REV3L: variants seen among roughly 807,000 people sequenced by gnomAD.
The protein encoded by REV3L is REV3 like, DNA directed polymerase zeta catalytic subunit.
In REV3L, 69 loss-of-function variants were observed where a neutral mutation model predicts 299.4. That is an observed-to-expected ratio of 0.23 (90% CI 0.19 to 0.28). The LOEUF (loss-of-function observed/expected upper bound fraction) is 0.28, where lower values mean the gene tolerates loss of function less well. Among genes scored for constraint, REV3L ranks in the 10% least tolerant of loss-of-function variants. The probability of loss-of-function intolerance (pLI) is 1.00; values close to 1 mark genes in which losing one functional copy is unlikely to be tolerated. For missense variants in REV3L, 3,128 were observed against 3,693.8 expected (o/e 0.85, Z 3.97); for synonymous variants, 1,238 against 1,271.4 (o/e 0.97, Z 0.56).
chr6:111,476,268 G>A (rs942507924), intron 1 of REV3L, among the ~76,000 whole-genome samples: 7 of 152,248 alleles, frequency 4.6e-5, no homozygotes, highest in Non-Finnish European at 1.0e-4. Flanking sequence ...CGATCCTCCT[G>A]CCTCAGCCTC....
rs532657290 is a variant in REV3L, at chr6:111,300,067, A to C, written c.9342T>G (p.Asn3114Lys). 1.6e-5 allele frequency: 26 copies of C among 1,613,660 alleles called. No individual in the cohort carries two copies. The Admixed American group carries it at 4.3e-4, about 27-fold the overall frequency. ...CPVLFKLSRV[N>K]RELSKAPYLR... is the part of the protein sequence containing the mutation. ...GATATGGTGCCTTGGACAATTCTCT[A>C]TTTACTCGGGAGAGTTTGAAAAGTA... The change falls in exon 32 of 32, where the codon AAT becomes AAG. Residue 3114 changes from asparagine to lysine, a missense_variant. Asn to Lys is a moderately conservative substitution (Grantham distance 94). Coordinates refer to ENST00000368802, the MANE Select transcript of REV3L (RefSeq NM_001372078.1).
In REV3L at chr6:111,307,522, C is replaced by G. The variant is rs1772451208; in HGVS notation, c.9091G>C (p.Gly3031Arg). Reference sequence around the variant, plus strand: ...GTAGTAAAATATTGTGAAATAGTGCCTTTCCGCCCTTCAGGTTCACTTCGC... The same window carrying G: ...GTAGTAAAATATTGTGAAATAGTGCGTTTCCGCCCTTCAGGTTCACTTCGC... ...SSRSEPEGRK[G>R]TISQYFTTLH... Residue 3031 changes from glycine to arginine, a missense_variant, in exon 31 of 32, where the codon GGC (glycine) becomes CGC (arginine). By Grantham distance (125) the Gly-to-Arg change is moderately radical (BLOSUM62 -2). Transcript: ENST00000368802. 5 of 1,614,216 alleles carry G rather than the reference C, an allele frequency of 3.1e-6. No homozygotes were observed. The highest frequency in any genetic ancestry group is 3.4e-6 in the Non-Finnish European group (4 of 1,180,046).
At chr6:111,465,756 A>AAG (rs1554250448) in intron 1 of REV3L, among the ~76,000 whole-genome samples, 10 of 146,998 alleles carry the variant, frequency 6.8e-5, no homozygotes, top group African/African-American at 2.5e-4. Flanking sequence ...AAAAAAAAAA[A>AAG]AAAAAAAAAA....
chr6:111,349,456 AATGT>A, intron 19 of REV3L, 120 bp from the exon 20 acceptor site: 1 of 473,768 alleles, frequency 2.1e-6, no homozygotes, highest in East Asian at 3.2e-5. Flanking sequence ...TATAATTCAC[AATGT>A]ATGAAAAAAT....
intron 1 of REV3L, chr6:111,430,206 CA>C: frequency 1.2e-6 from 1 of 819,260 alleles, no homozygotes; most frequent in South Asian, 1.3e-5. Context: ...TTTAGCCAAA[CA>C]AGAAGAAGTA....
intron 3 of REV3L, among the ~76,000 whole-genome samples, chr6:111,410,163 C>A (rs757588958): frequency 2.6e-5 from 4 of 152,088 alleles, no homozygotes; most frequent in South Asian, 4.1e-4. Context: ...TATGACTGCA[C>A]CATTGCGTAC....
intron 1 of REV3L, chr6:111,431,257 A>G: frequency 2.0e-6 from 3 of 1,505,400 alleles, no homozygotes; most frequent in Non-Finnish European, 2.8e-6. Context: ...CCTACAAGAG[A>G]TTTAGATGTC....
At chr6:111,453,596 G>A (rs1205792902) in intron 1 of REV3L, among the ~76,000 whole-genome samples, 1 of 152,100 alleles carries the variant, frequency 6.6e-6, no homozygotes, top group East Asian at 1.9e-4. Context: ...ACTATATACT[G>A]CTTAGTAGCA....
chr6:111,381,301 A>G, intron 10 of REV3L, 24 bp downstream of exon 10: 1 of 1,610,172 alleles, frequency 6.2e-7, no homozygotes, highest in South Asian at 1.1e-5. Flanking sequence ...AATACTGAAT[A>G]TTTATGGTAG....
chr6:111,367,993 C>T lies in REV3L; in HGVS notation c.5795G>A (p.Arg1932Gln), dbSNP rs556839462. ...IGGRLLMVET[R>Q]LANDLAEFEG... ...AAACTCAGCCAGATCATTTGCAAGT[C>T]GAGTTTCTACCATGAGGAGCCGTCC... Residue 1932 changes from arginine (R) to glutamine (Q), a missense_variant, in exon 14 of 32, where the codon CGA (arginine) becomes CAA (glutamine). Around this residue, in one of 9 missense-constraint regions of REV3L, gnomAD observed 2,409 missense variants for 2,611.8 expected, o/e 0.92. Coordinates refer to ENST00000368802, the MANE Select transcript of REV3L (RefSeq NM_001372078.1). 6 of 1,611,236 alleles carry T rather than the reference C, an allele frequency of 3.7e-6. No homozygotes were observed. The highest frequency in any genetic ancestry group is 1.1e-5 in the South Asian group (1 of 90,478).
chr6:111,322,095 G>T (rs1415939947), intron 26 of REV3L, among the ~76,000 whole-genome samples: 1 of 152,108 alleles, frequency 6.6e-6, no homozygotes, highest in African/African-American at 2.4e-5. Flanking sequence ...ATGGAAAACT[G>T]TATTTGCCTA....
At chr6:111,370,302 CA>C (rs1779674654) in intron 13 of REV3L, among the ~76,000 whole-genome samples, 1 of 152,014 alleles carries the variant, frequency 6.6e-6, no homozygotes, top group Non-Finnish European at 1.5e-5. Flanking sequence ...CCAAAGTCCC[CA>C]AAATGATGGA....
chr6:111,400,013 A>G (rs1007736645), intron 4 of REV3L, among the ~76,000 whole-genome samples: 2 of 152,204 alleles, frequency 1.3e-5, no homozygotes, highest in Non-Finnish European at 2.9e-5. Flanking sequence ...ATGAAGTCAC[A>G]CAGTTTGTAT....
intron 1 of REV3L, among the ~76,000 whole-genome samples, chr6:111,442,752 CT>C: frequency 6.6e-6 from 1 of 152,272 alleles, no homozygotes; most frequent in Non-Finnish European, 1.5e-5. Flanking sequence ...TATCAGTTGT[CT>C]TATTAACTAC....
At chr6:111,468,986 C>T (rs1334708358) in intron 1 of REV3L, among the ~76,000 whole-genome samples, 1 of 151,826 alleles carries the variant, frequency 6.6e-6, no homozygotes, top group Non-Finnish European at 1.5e-5. Flanking sequence ...AATGGTGAAA[C>T]CCTGTCTCTA....
Position 111,373,809 on chromosome 6 carries a change from T to G in REV3L, c.4546A>C (p.Thr1516Pro). 5 of 1,614,194 alleles carry G rather than the reference T, an allele frequency of 3.1e-6. No individual in the cohort carries two copies. The highest frequency in any genetic ancestry group is 4.2e-6 in the Non-Finnish European group (5 of 1,180,002). Residue 1516 changes from threonine to proline, a missense_variant, in exon 13 of 32, where the codon ACA (threonine) becomes CCA (proline). Transcript: ENST00000368802. ...LSQCKNRNVS[T>P]PSAFGEGQSG... ...TGTCCTTCACCAAATGCTGAAGGTGTTGACACATTTCGATTTTTACACTGA... is the reference window on the plus strand; with the variant it reads ...TGTCCTTCACCAAATGCTGAAGGTGGTGACACATTTCGATTTTTACACTGA...
chr6:111,303,712 T>A (rs1255284100), intron 31 of REV3L, among the ~76,000 whole-genome samples: 2 of 49,368 alleles, frequency 4.1e-5, no homozygotes, highest in Non-Finnish European at 9.6e-5. Flanking sequence ...TTTTTTTTTT[T>A]TTTTTTTTTT....
intron 1 of REV3L, among the ~76,000 whole-genome samples, chr6:111,459,412 A>G (rs7752225): frequency 0.94 from 143,602 of 152,142 alleles, 67,807 homozygotes; most frequent in East Asian, 1. Flanking sequence ...CAATTGCAAC[A>G]AAACCAAAAA....
rs1253575033 is a variant in REV3L, at chr6:111,367,218, T to G, written c.6570A>C (p.Arg2190Ser). 6.2e-6 allele frequency: 10 copies of G among 1,613,978 alleles called. No homozygotes were observed. The highest frequency in any genetic ancestry group is 8.5e-6 in the Non-Finnish European group (10 of 1,180,002). ...LVISPINTRA[R>S]TGKCESLCFH... ...AGCAAAGTGATTCACATTTCCCAGT[T>G]CTTGCCCTAGTATTAATTGGAGATA... The change falls in exon 14 of 32, where the codon AGA (arginine) becomes AGC (serine). Residue 2190 changes from arginine (R) to serine (S), a missense_variant. Coordinates refer to ENST00000368802, the MANE Select transcript of REV3L (RefSeq NM_001372078.1).
Sources: allele counts gnomAD v4.1 joint callset (sites outside exome capture counted in the v4.1 genomes callset), GRCh38; gene constraint gnomAD v4.1.1; regional missense constraint gnomAD v4.1.1; transcripts MANE v1.5; gene names NCBI Gene and HGNC (gene_info 2026-07-23, HGNC 2026-07-21).